HS6ST2: variants seen among roughly 807,000 people sequenced by gnomAD.
HS6ST2 encodes heparan sulfate 6-O-sulfotransferase 2, also known as heparan-sulfate 6-O-sulfotransferase 2.
A neutral mutation model predicts 33.0 loss-of-function variants in HS6ST2; 17 were observed. That is an observed-to-expected ratio of 0.52 (90% CI 0.35 to 0.77). The LOEUF (loss-of-function observed/expected upper bound fraction) is 0.77, where lower values mean the gene tolerates loss of function less well. Among genes scored for constraint, HS6ST2 ranks in the 30% least tolerant of loss-of-function variants. The pLI, the probability that HS6ST2 is intolerant of heterozygous loss-of-function variation, is 0.01. For missense variants in HS6ST2, 519 were observed against 551.7 expected (o/e 0.94, Z 0.59); for synonymous variants, 248 against 237.1 (o/e 1.05, Z -0.42).
intron 2 of HS6ST2, among the ~76,000 whole-genome samples, chrX:132,932,357 G>T (rs2066780618): frequency 9.0e-6 from 1 of 111,344 alleles, no homozygotes; most frequent in South Asian, 3.8e-4. Flanking sequence ...AAATATCAGG[G>T]AAAGACCCAA....
chrX:132,896,817 T>C (rs1280613327), intron 2 of HS6ST2, among the ~76,000 whole-genome samples: 1 of 112,111 alleles, frequency 8.9e-6, no homozygotes, highest in Non-Finnish European at 1.9e-5. Context: ...TCAGTAAATA[T>C]TCTATGATTG....
chrX:132,936,518 T>A (rs1033261011), intron 2 of HS6ST2, among the ~76,000 whole-genome samples: 1 of 112,009 alleles, frequency 8.9e-6, no homozygotes, highest in Non-Finnish European at 1.9e-5. Flanking sequence ...GACAAAGACA[T>A]CACAGGAAAA....
chrX:132,851,159 C>G (rs1364923995), intron 2 of HS6ST2, among the ~76,000 whole-genome samples: 1 of 111,855 alleles, frequency 8.9e-6, no homozygotes, highest in Admixed American at 9.5e-5. Context: ...GTTATTTCCA[C>G]ATAATACTAA....
intron 2 of HS6ST2, among the ~76,000 whole-genome samples, chrX:132,882,702 T>C (rs374862143): frequency 7.0e-4 from 77 of 110,047 alleles, no homozygotes; most frequent in African/African-American, 1.8e-3. Flanking sequence ...CTGTCTTGTG[T>C]CAGTTTTCAA....
In HS6ST2 at chrX:132,831,620, G is replaced by A. The variant is rs376764520; in HGVS notation, c.948-123126C>T. ...GGTTCTCATCTACTAAAATGTACCCGACAGCTGTACTTAATAAGGCTGGAA... is the reference window on the plus strand; with the variant it reads ...GGTTCTCATCTACTAAAATGTACCCAACAGCTGTACTTAATAAGGCTGGAA... On this transcript the variant is annotated intron_variant, in intron 2 of 4. Coordinates refer to ENST00000370833, the MANE Select transcript of HS6ST2 (RefSeq NM_001394073.1). 4.1e-3 allele frequency among the ~76,000 whole-genome samples: 456 copies of A among 111,657 alleles called. 1 individual carries two copies. The highest frequency in any genetic ancestry group is 7.3e-3 in the African/African-American group (225 of 30,758).
intron 2 of HS6ST2, among the ~76,000 whole-genome samples, chrX:132,822,461 T>C (rs998114758): frequency 2.7e-5 from 3 of 111,427 alleles, no homozygotes; most frequent in Admixed American, 9.5e-5. Context: ...TCTCTCCTCA[T>C]GCTCTAGCTA....
At chrX:132,789,832 C>T (rs1339044444) in intron 2 of HS6ST2, among the ~76,000 whole-genome samples, 1 of 111,423 alleles carries the variant, frequency 9.0e-6, no homozygotes, top group African/African-American at 3.3e-5. Flanking sequence ...AGCAAGAGAA[C>T]TAGAATTAGA....
chrX:132,828,188 G>GT (rs1437635605), intron 2 of HS6ST2, among the ~76,000 whole-genome samples: 1 of 110,943 alleles, frequency 9.0e-6, no homozygotes, highest in African/African-American at 3.3e-5. Context: ...GCATTTGGGG[G>GT]TGGGGGTGTT....
At position 132,708,299 on chromosome X, in the gene HS6ST2, T is replaced by TAAAA. The variant is rs36028236; in HGVS notation, c.980+159_980+162dup. On this transcript the variant is annotated intron_variant, in intron 3 of 4. Coordinates refer to ENST00000370833, the MANE Select transcript of HS6ST2 (RefSeq NM_001394073.1). Reference sequence around the variant, plus strand: ...CTGGGTAGTTTCAGCTGTTTTAAACTAAAAAAAAAAAAAAAAAAAAAAAAA... The same window carrying TAAAA: ...CTGGGTAGTTTCAGCTGTTTTAAACTAAAAAAAAAAAAAAAAAAAAAAAAAAAAA... Among the ~76,000 whole-genome samples the TAAAA allele has an allele frequency of 1.2e-3, 25 of 21,209 alleles. 1 individual carries two copies. The highest frequency in any genetic ancestry group is 1.6e-3 in the African/African-American group (9 of 5,602). The allele number at this position is 21,209 out of a possible 115,157, so 18.4% of individuals were successfully genotyped here.
At chrX:132,699,184 C>T (rs1046580299) in intron 3 of HS6ST2, among the ~76,000 whole-genome samples, 5 of 111,587 alleles carry the variant, frequency 4.5e-5, no homozygotes, top group Non-Finnish European at 9.4e-5. Flanking sequence ...ATCAGAGATC[C>T]TGTGCTTGAG....
intron 2 of HS6ST2, among the ~76,000 whole-genome samples, chrX:132,910,579 ATCC>A (rs2066522206): frequency 8.9e-6 from 1 of 111,873 alleles, no homozygotes; most frequent in South Asian, 3.8e-4. Flanking sequence ...GCCTTCACTA[ATCC>A]CATTGATGAA....
intron 2 of HS6ST2, among the ~76,000 whole-genome samples, chrX:132,732,342 T>C (rs773906734): frequency 9.0e-6 from 1 of 111,661 alleles, no homozygotes; most frequent in South Asian, 3.8e-4. Flanking sequence ...AAGAGAAAAA[T>C]CAAGGTTTTG....
chrX:132,854,850 G>A (rs887712207), intron 2 of HS6ST2, among the ~76,000 whole-genome samples: 4 of 111,722 alleles, frequency 3.6e-5, no homozygotes, highest in African/African-American at 1.3e-4. Flanking sequence ...TAACACAGAC[G>A]AACTGAATTT....
chrX:132,659,898 A>G (rs2063758729), intron 4 of HS6ST2, among the ~76,000 whole-genome samples: 1 of 112,182 alleles, frequency 8.9e-6, no homozygotes, highest in African/African-American at 3.2e-5. Flanking sequence ...ATTATAATTC[A>G]TAAAAGTACT....
At chrX:132,760,456 A>G (rs1363081311) in intron 2 of HS6ST2, among the ~76,000 whole-genome samples, 1 of 111,366 alleles carries the variant, frequency 9.0e-6, no homozygotes, top group Non-Finnish European at 1.9e-5. Context: ...GAAGAAGGAC[A>G]TATTTGCTTC....
chrX:132,809,573 T>G (rs751148438), intron 2 of HS6ST2, among the ~76,000 whole-genome samples: 9 of 111,844 alleles, frequency 8.0e-5, no homozygotes, highest in African/African-American at 2.9e-4. Flanking sequence ...ATCTGAGCAA[T>G]GAAAACCTCA....
At chrX:132,877,192 C>T (rs1165222189) in intron 2 of HS6ST2, among the ~76,000 whole-genome samples, 1 of 111,858 alleles carries the variant, frequency 8.9e-6, no homozygotes, top group Admixed American at 9.5e-5. Flanking sequence ...ATCCAGGCAA[C>T]ATTTATTAAA....
chrX:132,882,958 G>A (rs1401928025), intron 2 of HS6ST2, among the ~76,000 whole-genome samples: 2 of 111,583 alleles, frequency 1.8e-5, no homozygotes, highest in African/African-American at 6.5e-5. Context: ...AACCAGCCTT[G>A]CATACCAGGG....
chrX:132,812,447 A>T (rs866197077), intron 2 of HS6ST2, among the ~76,000 whole-genome samples: 33 of 53,353 alleles, frequency 6.2e-4, no homozygotes, highest in African/African-American at 1.6e-3. Flanking sequence ...ATAATAATAA[A>T]ATAATAATAA....
Sources: allele counts gnomAD v4.1 joint callset (sites outside exome capture counted in the v4.1 genomes callset), GRCh38; gene constraint gnomAD v4.1.1; transcripts MANE v1.5; gene names NCBI Gene and HGNC (gene_info 2026-07-23, HGNC 2026-07-21).